Variants in PTPRD observed in about 807,000 individuals in gnomAD.
The protein encoded by PTPRD is protein tyrosine phosphatase receptor type D, also known as receptor-type tyrosine-protein phosphatase delta.
A neutral mutation model predicts 214.5 loss-of-function variants in PTPRD; 34 were observed. The observed-to-expected ratio is 0.16, with a 90% confidence interval of 0.12 to 0.21. The LOEUF (loss-of-function observed/expected upper bound fraction) is 0.21. Ranked by LOEUF, PTPRD falls within the 10% of genes least tolerant of loss-of-function variation. The pLI is 1.00. For synonymous variants in PTPRD, 1,128 were observed against 845.7 expected (o/e 1.33, Z -5.79); for missense variants, 2,545 against 2,398.7 (o/e 1.06, Z -1.27).
intron 3 of PTPRD, among the ~76,000 whole-genome samples, chr9:10,198,356 G>C (rs1018695288): frequency 6.6e-6 from 1 of 152,130 alleles, no homozygotes; most frequent in African/African-American, 2.4e-5. Flanking sequence ...GTAGTGGTCA[G>C]GCATGAATGA....
chr9:10,103,977 T>C (rs1768166592), intron 3 of PTPRD, among the ~76,000 whole-genome samples: 1 of 151,712 alleles, frequency 6.6e-6, no homozygotes, highest in African/African-American at 2.4e-5. Flanking sequence ...CGGAAAATCA[T>C]TCCACCTTAG....
intron 7 of PTPRD, among the ~76,000 whole-genome samples, chr9:9,596,378 G>T (rs2093353945): frequency 6.6e-6 from 1 of 151,720 alleles, no homozygotes; most frequent in Non-Finnish European, 1.5e-5. Context: ...ATATCCAGAG[G>T]TACCCTTTAC....
At chr9:9,705,517 T>A (rs1403715127) in intron 7 of PTPRD, among the ~76,000 whole-genome samples, 1 of 152,148 alleles carries the variant, frequency 6.6e-6, no homozygotes, top group Non-Finnish European at 1.5e-5. Context: ...ACTTCTACTA[T>A]CTAAAATAGA....
chr9:9,929,105 C>G (rs575152048), intron 5 of PTPRD, among the ~76,000 whole-genome samples: 2 of 152,278 alleles, frequency 1.3e-5, no homozygotes, highest in Admixed American at 6.5e-5. Flanking sequence ...TCCGCTATAC[C>G]TATTTTACTA....
intron 7 of PTPRD, among the ~76,000 whole-genome samples, chr9:9,726,691 T>C (rs1223692589): frequency 2.0e-5 from 3 of 152,336 alleles, no homozygotes; most frequent in Admixed American, 1.3e-4. Context: ...GACATTTTCA[T>C]ATGTCTCAAC....
chr9:8,529,498 C>T (rs1229510100), intron 14 of PTPRD, among the ~76,000 whole-genome samples: 1 of 152,100 alleles, frequency 6.6e-6, no homozygotes, highest in Non-Finnish European at 1.5e-5. Context: ...TGCTTTCCTC[C>T]ATCCCAAAGA....
intron 5 of PTPRD, among the ~76,000 whole-genome samples, chr9:9,774,608 T>C (rs1039133904): frequency 6.6e-6 from 1 of 152,204 alleles, no homozygotes; most frequent in South Asian, 2.1e-4. Flanking sequence ...AAACATTCTT[T>C]CTATATATGA....
chr9:8,478,501 G>A (rs973071041), intron 30 of PTPRD, among the ~76,000 whole-genome samples: 1 of 151,106 alleles, frequency 6.6e-6, no homozygotes, highest in Non-Finnish European at 1.5e-5. Context: ...CCTTCTGGTA[G>A]TTTTTTCTCC....
intron 9 of PTPRD, among the ~76,000 whole-genome samples, chr9:9,368,690 ACCTAGGGTAGGAAAAATATTC>A (rs1376903955): frequency 6.6e-6 from 1 of 151,830 alleles, no homozygotes; most frequent in African/African-American, 2.4e-5. Flanking sequence ...ATAAATATGA[ACCTAGGGTAGGAAAAATATTC>A]CTATTTTTAG....
At chr9:9,311,033 C>T (rs1958837381) in intron 9 of PTPRD, among the ~76,000 whole-genome samples, 1 of 150,740 alleles carries the variant, frequency 6.6e-6, no homozygotes, top group Non-Finnish European at 1.5e-5. Flanking sequence ...AATTCAGCAA[C>T]CTTAGCAAAT....
At chr9:8,434,616 C>G (rs1022807305) in intron 35 of PTPRD, among the ~76,000 whole-genome samples, 1 of 152,128 alleles carries the variant, frequency 6.6e-6, no homozygotes, top group Middle Eastern at 3.4e-3. Context: ...AATTTGTAAC[C>G]CATTACATAA....
intron 11 of PTPRD, among the ~76,000 whole-genome samples, chr9:8,851,937 T>C (rs1328934757): frequency 6.6e-6 from 1 of 152,180 alleles, no homozygotes; most frequent in Non-Finnish European, 1.5e-5. Context: ...AGCATCATCT[T>C]AATATGTATT....
intron 3 of PTPRD, among the ~76,000 whole-genome samples, chr9:10,333,213 T>C (rs1483765952): frequency 6.6e-6 from 1 of 151,772 alleles, no homozygotes; most frequent in East Asian, 1.9e-4. Flanking sequence ...GCAGTTTGCC[T>C]AAGGCGTCAG....
intron 9 of PTPRD, among the ~76,000 whole-genome samples, chr9:9,377,088 T>TA (rs1487058165): frequency 7.3e-5 from 11 of 150,734 alleles, no homozygotes; most frequent in African/African-American, 2.7e-4. Context: ...GCAACATATA[T>TA]TTTTTTTTAA....
chr9:8,347,515 C>T (rs1056646268), intron 39 of PTPRD, among the ~76,000 whole-genome samples: 3 of 152,074 alleles, frequency 2.0e-5, no homozygotes, highest in Admixed American at 1.3e-4. Context: ...AAATCTCAAG[C>T]GGCGCTGTGA....
rs556120365 is a variant in PTPRD, at chr9:10,238,043, A to T, written c.-545+102920T>A. On this transcript the variant is annotated intron_variant, in intron 3 of 45. Coordinates refer to ENST00000381196, the MANE Select transcript of PTPRD (RefSeq NM_002839.4). ...GAGTTCCCATTTGCTTTTTTTTTTA[A>T]AAATCCTTTCTCTGATTCTCAAGTG... 1.3e-3 allele frequency among the ~76,000 whole-genome samples: 200 copies of T among 150,530 alleles called. 1 individual carries two copies. In the South Asian group the frequency reaches 0.027, roughly 20 times the overall value.
rs145287907 is a variant in PTPRD, at chr9:10,604,786, A to T, written c.-600+7612T>A. Among the ~76,000 whole-genome samples, 68 of 152,072 alleles carry T rather than the reference A, an allele frequency of 4.5e-4. 1 individual carries two copies. In the East Asian group the frequency reaches 0.013, roughly 28 times the overall value. On this transcript the variant is annotated intron_variant, in intron 2 of 45. Transcript: ENST00000381196. Reference sequence around the variant, plus strand: ...TAAGTGTTAATTGAGAACTAATTGAATGTATTATATAATAAAATAGGAAAT... The same window carrying T: ...TAAGTGTTAATTGAGAACTAATTGATTGTATTATATAATAAAATAGGAAAT...
At chr9:9,821,361 G>A (rs1488608235) in intron 5 of PTPRD, among the ~76,000 whole-genome samples, 1 of 152,154 alleles carries the variant, frequency 6.6e-6, no homozygotes, top group African/African-American at 2.4e-5. Flanking sequence ...GTATGTGGTA[G>A]GGTGGAAGGG....
intron 3 of PTPRD, among the ~76,000 whole-genome samples, chr9:10,131,931 T>C (rs2098891939): frequency 6.6e-6 from 1 of 152,148 alleles, no homozygotes; most frequent in Non-Finnish European, 1.5e-5. Context: ...ATAGCACCTT[T>C]AATAAGTTAG....
Sources: allele counts gnomAD v4.1 joint callset (sites outside exome capture counted in the v4.1 genomes callset), GRCh38; gene constraint gnomAD v4.1.1; transcripts MANE v1.5; gene names NCBI Gene and HGNC (gene_info 2026-07-23, HGNC 2026-07-21).